Variants in PTPRN2 observed in about 807,000 individuals in gnomAD.
The protein encoded by PTPRN2 is protein tyrosine phosphatase receptor type N2.
In PTPRN2, 74 loss-of-function variants were observed where a neutral mutation model predicts 118.8. The ratio of observed to expected loss-of-function variants is 0.62; its 90% CI spans 0.52 to 0.76. The LOEUF is 0.76. Among genes scored for constraint, PTPRN2 ranks in the 30% least tolerant of loss-of-function variants. PTPRN2 has a pLI of 0.00. For synonymous variants in PTPRN2, 641 were observed against 608.0 expected, an observed-to-expected ratio of 1.05 and a Z score of -0.80; for missense variants, 1,481 against 1,394.4, an observed-to-expected ratio of 1.06 and a Z score of -0.99.
intron 11 of PTPRN2, among the ~76,000 whole-genome samples, chr7:157,965,126 G>C (rs1445211358): frequency 6.6e-6 from 1 of 152,206 alleles, no homozygotes; most frequent in Non-Finnish European, 1.5e-5. Context: ...TATGGAGGTA[G>C]ATTTGTGGGA....
intron 12 of PTPRN2, among the ~76,000 whole-genome samples, chr7:157,772,860 T>G (rs55667467): frequency 0.35 from 53,081 of 152,222 alleles, 11,656 homozygotes; most frequent in African/African-American, 0.62. Context: ...CATGTGCTGC[T>G]AGGCCACGGG....
intron 12 of PTPRN2, among the ~76,000 whole-genome samples, chr7:157,722,512 G>C (rs1490294128): frequency 6.6e-6 from 1 of 152,236 alleles, no homozygotes. Flanking sequence ...AGTGAATGAA[G>C]ATGAAGCTGG....
intron 11 of PTPRN2, among the ~76,000 whole-genome samples, chr7:158,064,491 G>A (rs1278795575): frequency 6.6e-6 from 1 of 152,166 alleles, no homozygotes. Context: ...GCGCTGTGAG[G>A]TTGCTTGGAC....
rs1801327761 is a variant in PTPRN2 at position 157,958,559 on chromosome 7, A to G, written c.1724-59822T>C. Among the ~76,000 whole-genome samples, 4 of 152,366 alleles carry G rather than the reference A, an allele frequency of 2.6e-5. No homozygotes were observed. The South Asian group carries it at 8.3e-4, about 32-fold the overall frequency. The stretch of plus-strand genomic sequence containing the variant: ...AATAGAATTTATTAACAAATTTAGT[A>G]AAGTTGCAGGGTATAAAATCAATAT... On this transcript the variant is annotated intron_variant, in intron 11 of 22. Transcript: ENST00000389418.
chr7:158,536,698 C>T (rs2129449157), intron 1 of PTPRN2, among the ~76,000 whole-genome samples: 1 of 151,728 alleles, frequency 6.6e-6, no homozygotes, highest in African/African-American at 2.4e-5. Context: ...AAGGGCCTTC[C>T]CAGCCCACCA....
rs74603263 is a variant in PTPRN2, at chr7:157,592,740, C to T, written c.2496+2498G>A. Among the ~76,000 whole-genome samples, 1,936 of 135,770 alleles carry T rather than the reference C, an allele frequency of 0.014. 79 individuals carry two copies. The East Asian group carries it at 0.14, about 10-fold the overall frequency. 89.1% of individuals were successfully genotyped at this position (135,770 alleles called of 152,430 possible). A position where few individuals can be genotyped will look rare whatever the true frequency, so the allele number is the denominator to read the frequency against. On this transcript the variant is annotated intron_variant, in intron 17 of 22. Coordinates refer to ENST00000389418, the MANE Select transcript of PTPRN2 (RefSeq NM_002847.5). ...GGATGCCGAGAGGCTTCACACATGACGGAGGGTGGACGTGGCACCTACTGA... is the reference window on the plus strand; with the variant it reads ...GGATGCCGAGAGGCTTCACACATGATGGAGGGTGGACGTGGCACCTACTGA...
chr7:158,526,403 G>A lies in PTPRN2; in HGVS notation c.113-36618C>T, dbSNP rs1281894830. On this transcript the variant is annotated intron_variant, in intron 1 of 22. Transcript: ENST00000389418. This position sits in a 1 kb window ranked among gnomAD's most constrained non-coding sequence, Gnocchi z 5.2. ...GAGAACCACCAGCCACTCTGAGCTA[G>A]GACGGGGCACAGGCAACCACGTTCC... Among the ~76,000 whole-genome samples, 2 of 152,236 alleles carry A rather than the reference G, an allele frequency of 1.3e-5. No individual in the cohort carries two copies. The highest frequency in any genetic ancestry group is 1.5e-5 in the Non-Finnish European group (1 of 68,036).
chr7:158,192,254 A>C lies in PTPRN2; in HGVS notation c.549+73T>G, dbSNP rs1825823228. The C allele has an allele frequency of 1.2e-5, 17 of 1,368,508 alleles. No homozygotes were observed. The South Asian group carries it at 2.7e-4, about 22-fold the overall frequency. The allele number at this position is 1,368,508 out of a possible 1,614,324, so 84.8% of individuals were successfully genotyped here. On this transcript the variant is annotated intron_variant, in intron 5 of 22. Coordinates refer to ENST00000389418, the MANE Select transcript of PTPRN2 (RefSeq NM_002847.5). ...CAAAGCCAAGAGGAGCCAGCGACTA[A>C]GGAAACATGCCCAGGTACCTGCACC...
Position 157,881,768 on chromosome 7 carries a change from T to G in PTPRN2, c.1788+16905A>C, listed in dbSNP as rs2151287444. Among the ~76,000 whole-genome samples, 1 of 152,156 alleles carries G rather than the reference T, an allele frequency of 6.6e-6. No homozygotes were observed. Among genetic ancestry groups the G allele is most frequent in the African/African-American group, 2.4e-5 (1 of 41,508 alleles). On this transcript the variant is annotated intron_variant, in intron 12 of 22. Coordinates refer to ENST00000389418, the MANE Select transcript of PTPRN2 (RefSeq NM_002847.5). The surrounding 1 kb of genome is among the most constrained non-coding windows in gnomAD (Gnocchi z 4.7). Reference sequence around the variant, plus strand: ...TAAAAAAAAAAAAATAGATTGGCACTTCAGTAAAAGGGTTTGCACACACAC... The same window carrying G: ...TAAAAAAAAAAAAATAGATTGGCACGTCAGTAAAAGGGTTTGCACACACAC...
chr7:158,143,638 C>T (rs1013040815), intron 6 of PTPRN2, among the ~76,000 whole-genome samples: 1 of 152,136 alleles, frequency 6.6e-6, no homozygotes, highest in African/African-American at 2.4e-5. Flanking sequence ...GGCTGCCCAG[C>T]GGCCTCCTCA....
chr7:157,761,159 A>C (rs549613180), intron 12 of PTPRN2, among the ~76,000 whole-genome samples: 100 of 151,940 alleles, frequency 6.6e-4, no homozygotes, highest in South Asian at 1.7e-3. Context: ...ATATCGTGAA[A>C]ATGGCCATAC....
chr7:158,532,669 C>A (rs751208072), intron 1 of PTPRN2: 2 of 524,238 alleles, frequency 3.8e-6, no homozygotes, highest in Admixed American at 2.0e-5. Flanking sequence ...ATTAGAGGAA[C>A]AGCATGGAAC....
chr7:158,252,680 C>A (rs546345106), intron 3 of PTPRN2, among the ~76,000 whole-genome samples: 1 of 152,322 alleles, frequency 6.6e-6, no homozygotes, highest in South Asian at 2.1e-4. Context: ...GACAGGCACC[C>A]CAGTGCTGAA....
rs762185429 is a variant in PTPRN2, at chr7:157,692,907, C to A, written c.1789-9970G>T. On this transcript the variant is annotated intron_variant, in intron 12 of 22. Coordinates refer to ENST00000389418, the MANE Select transcript of PTPRN2 (RefSeq NM_002847.5). The stretch of plus-strand genomic sequence containing the variant: ...AGAAGCGGTACTCGGGTTCCCCCAG[C>A]GCCCGGGATGCCCTCCCAGGGACCT... Among the ~76,000 whole-genome samples, 165 of 152,200 alleles carry A rather than the reference C, an allele frequency of 1.1e-3. 1 individual carries two copies. The highest frequency in any genetic ancestry group is 7.1e-4 in the Non-Finnish European group (48 of 67,980).
chr7:157,547,880 A>G (rs1031559250), intron 22 of PTPRN2, among the ~76,000 whole-genome samples: 2 of 151,390 alleles, frequency 1.3e-5, no homozygotes, highest in African/African-American at 4.9e-5. Context: ...CCCGGACAGC[A>G]GAGGAACCAT....
intron 8 of PTPRN2, 101 bp from the exon 9 acceptor site, chr7:158,134,160 A>G (rs989211846): frequency 7.4e-7 from 1 of 1,354,336 alleles, no homozygotes; most frequent in African/African-American, 1.5e-5. Flanking sequence ...TGGGGATGAC[A>G]TGGGCAGCCT....
intron 12 of PTPRN2, among the ~76,000 whole-genome samples, chr7:157,754,987 G>C (rs562059079): frequency 5.6e-4 from 86 of 152,268 alleles, no homozygotes; most frequent in African/African-American, 1.9e-3. Context: ...CTGGGCTCAA[G>C]CCATCCTCCC....
At chr7:158,145,806 T>A (rs73745150) in intron 6 of PTPRN2, among the ~76,000 whole-genome samples, 6,364 of 152,300 alleles carry the variant, frequency 0.042, 453 homozygotes, top group African/African-American at 0.14. Context: ...TCATCCATCC[T>A]TGTGCTGCCC....
chr7:157,624,795 T>C (rs765754259), intron 14 of PTPRN2, among the ~76,000 whole-genome samples: 4 of 152,216 alleles, frequency 2.6e-5, no homozygotes, highest in African/African-American at 4.8e-5. Context: ...TAACATGTAA[T>C]TTAAACAGTA....
Sources: allele counts gnomAD v4.1 joint callset (sites outside exome capture counted in the v4.1 genomes callset), GRCh38; gene constraint gnomAD v4.1.1; non-coding constraint Gnocchi (gnomAD v3.1); transcripts MANE v1.5; gene names NCBI Gene and HGNC (gene_info 2026-07-23, HGNC 2026-07-21).